CPEB1: variants seen among roughly 807,000 people sequenced by gnomAD.
CPEB1 encodes cytoplasmic polyadenylation element-binding protein 1.
Under a neutral mutation model 65.8 loss-of-function variants are expected in CPEB1, and 7 were observed. The observed-to-expected ratio is 0.11, with a 90% CI of 0.06 to 0.20. The LOEUF is 0.20. CPEB1 is among the 10% of genes least tolerant of loss of function. CPEB1 has a pLI of 1.00. For missense variants in CPEB1, 551 were observed against 712.2 expected (o/e 0.77, Z 2.58); for synonymous variants, 262 against 260.0 (o/e 1.01, Z -0.08).
chr15:82,546,893 G>A (rs2035323525), intron 11 of CPEB1, among the ~76,000 whole-genome samples: 1 of 152,156 alleles, frequency 6.6e-6, no homozygotes, highest in Non-Finnish European at 1.5e-5. Context: ...CAATGCCAAA[G>A]AAATACCACA....
At position 82,627,351 on chromosome 15, in the gene CPEB1, C is replaced by T; in HGVS notation, c.113G>A (p.Arg38Lys). 6.2e-7 allele frequency: 1 copy of T among 1,611,696 alleles called. No individual in the cohort carries two copies. The highest frequency in any genetic ancestry group is 8.5e-7 in the Non-Finnish European group (1 of 1,179,012). The change falls in exon 3 of 13, where the codon AGG becomes AAG. Residue 38 changes from arginine (R) to lysine (K), a missense_variant. Coordinates refer to ENST00000684509, the MANE Select transcript of CPEB1 (RefSeq NM_001365242.1). ...LLIPLEEEAG[R>K]IKDCWDNQEA... Reference sequence around the variant, plus strand: ...CTGGTTGTCCCAGCAATCTTTTATCCTTCCTGCTTCTTCTTCCTAGACACA... The same window carrying T: ...CTGGTTGTCCCAGCAATCTTTTATCTTTCCTGCTTCTTCTTCCTAGACACA...
intron 5 of CPEB1, chr15:82,556,363 T>G: frequency 2.4e-6 from 1 of 420,342 alleles, no homozygotes; most frequent in East Asian, 5.1e-5. Flanking sequence ...AAAATGCATT[T>G]ATCATATTCT....
rs138812087 is a variant in CPEB1, at chr15:82,603,202, G to A, written c.271+23991C>T. 1.0e-3 allele frequency among the ~76,000 whole-genome samples: 152 copies of A among 151,994 alleles called. 2 individuals are homozygous for A. In the East Asian group the frequency reaches 0.026, roughly 26 times the overall value. On this transcript the variant is annotated intron_variant, in intron 3 of 12. Coordinates refer to ENST00000684509, the MANE Select transcript of CPEB1 (RefSeq NM_001365242.1). ...TTAGCAGCCTGGAAGCCACTGAAAGGACAAAACAGTTGGAGCTCAAGCCCC... is the reference window on the plus strand; with the variant it reads ...TTAGCAGCCTGGAAGCCACTGAAAGAACAAAACAGTTGGAGCTCAAGCCCC...
chr15:82,639,103 T>C (rs375424110), intron 1 of CPEB1, among the ~76,000 whole-genome samples: 1 of 152,214 alleles, frequency 6.6e-6, no homozygotes, highest in Admixed American at 6.5e-5. Context: ...TGGACCTAGC[T>C]TGGAGAACTG....
At chr15:82,581,090 C>G (rs764454397) in intron 3 of CPEB1, among the ~76,000 whole-genome samples, 7 of 152,146 alleles carry the variant, frequency 4.6e-5, no homozygotes. Context: ...GATCCACCCA[C>G]CTAGGCCTCC....
intron 2 of CPEB1, among the ~76,000 whole-genome samples, chr15:82,627,676 G>A (rs1466603261): frequency 1.3e-5 from 2 of 152,132 alleles, no homozygotes; most frequent in African/African-American, 4.8e-5. Context: ...TCAGGTTTAT[G>A]ATTAGGATTG....
chr15:82,567,180 G>A (rs913150694), intron 4 of CPEB1, among the ~76,000 whole-genome samples: 2 of 152,132 alleles, frequency 1.3e-5, no homozygotes, highest in Non-Finnish European at 2.9e-5. Flanking sequence ...ACCTAATCCC[G>A]TTCTGAATGT....
chr15:82,586,424 G>A (rs938278265), intron 3 of CPEB1, among the ~76,000 whole-genome samples: 2 of 152,030 alleles, frequency 1.3e-5, no homozygotes, highest in African/African-American at 4.8e-5. Context: ...ACTTTTCTAA[G>A]CACTATGTTA....
intron 8 of CPEB1, among the ~76,000 whole-genome samples, chr15:82,553,120 C>T (rs1024000025): frequency 2.0e-5 from 3 of 152,278 alleles, no homozygotes; most frequent in East Asian, 3.9e-4. Context: ...CAGGCAACAA[C>T]GTAACTGGGC....
At position 82,640,704 on chromosome 15, in the gene CPEB1, TC is replaced by T. The variant is rs1314650945; in HGVS notation, c.-98+6432del. 3 of 152,130 alleles carry T rather than the reference TC, an allele frequency of 2.0e-5. No individual in the cohort carries two copies. In the East Asian group the frequency reaches 5.8e-4, roughly 29 times the overall value. 9.4% of individuals were successfully genotyped at this position (152,130 alleles called of 1,614,324 possible). On this transcript the variant is annotated intron_variant, in intron 1 of 12. Coordinates refer to ENST00000684509, the MANE Select transcript of CPEB1 (RefSeq NM_001365242.1). ...GTAGTCCAATCAGAAGTATAAGTCT[TC>T]AGAACAACCAAGGCTAAAGAGCTCA...
intron 1 of CPEB1, among the ~76,000 whole-genome samples, chr15:82,646,292 A>G (rs1466190991): frequency 6.6e-6 from 1 of 152,150 alleles, no homozygotes; most frequent in Non-Finnish European, 1.5e-5. Flanking sequence ...CTTCCAGAAT[A>G]GGAACCCCAC....
Position 82,622,575 on chromosome 15 carries a change from A to G in CPEB1, c.271+4618T>C, listed in dbSNP as rs1314396961. On this transcript the variant is annotated intron_variant, in intron 3 of 12. Coordinates refer to ENST00000684509, the MANE Select transcript of CPEB1 (RefSeq NM_001365242.1). ...CCCGGTTAATTTTTCTATTTTTAAT[A>G]GAGACAAGGTTTCGCCATGTTGGTC... Among the ~76,000 whole-genome samples the G allele has an allele frequency of 1.3e-5, 2 of 152,100 alleles. 1 individual carries two copies. The highest frequency in any genetic ancestry group is 6.4e-3 in the Middle Eastern group (2 of 314).
intron 4 of CPEB1, among the ~76,000 whole-genome samples, chr15:82,570,126 A>G (rs950401922): frequency 1.3e-5 from 2 of 152,132 alleles, no homozygotes; most frequent in African/African-American, 4.8e-5. Context: ...ACATAAAACA[A>G]TTTCAATACC....
intron 3 of CPEB1, among the ~76,000 whole-genome samples, chr15:82,577,284 C>G (rs1413328952): frequency 6.6e-6 from 1 of 152,110 alleles, no homozygotes; most frequent in East Asian, 1.9e-4. Flanking sequence ...GTCTCGAACT[C>G]CTGGGCTCAA....
intron 4 of CPEB1, among the ~76,000 whole-genome samples, chr15:82,563,567 C>T (rs2038613319): frequency 6.7e-6 from 1 of 149,386 alleles, no homozygotes; most frequent in Non-Finnish European, 1.5e-5. Context: ...GTCTTGAACT[C>T]CTGGGCTCAA....
chr15:82,564,790 G>C (rs999053535), intron 4 of CPEB1, among the ~76,000 whole-genome samples: 3 of 152,050 alleles, frequency 2.0e-5, no homozygotes, highest in African/African-American at 4.8e-5. Context: ...CTTGAGGAGG[G>C]GCAGGGTGGA....
chr15:82,571,705 C>T, intron 3 of CPEB1, 173 bp from the exon 4 acceptor site: 3 of 1,432,446 alleles, frequency 2.1e-6, no homozygotes, highest in Non-Finnish European at 2.7e-6. Flanking sequence ...GGGGCAAGAG[C>T]AGTTGCCATA....
chr15:82,585,643 C>G (rs536017046), intron 3 of CPEB1, among the ~76,000 whole-genome samples: 1 of 152,204 alleles, frequency 6.6e-6, no homozygotes, highest in East Asian at 1.9e-4. Context: ...ATTCAAAACC[C>G]GAGCCCTTCC....
chr15:82,565,979 T>G (rs982661026), intron 4 of CPEB1, among the ~76,000 whole-genome samples: 2 of 152,238 alleles, frequency 1.3e-5, no homozygotes, highest in African/African-American at 2.4e-5. Context: ...TCCAGTTCAT[T>G]AATGCTACCT....
Sources: gnomAD v4.1 joint callset for allele counts (sites outside exome capture counted in the v4.1 genomes callset) on GRCh38, gnomAD v4.1.1 for gene constraint, MANE v1.5 for transcripts, NCBI Gene and HGNC (gene_info 2026-07-23, HGNC 2026-07-21) for gene names.